KANK1: variants seen among roughly 807,000 people sequenced by gnomAD.
The protein encoded by KANK1 is KN motif and ankyrin repeat domains 1, also known as KN motif and ankyrin repeat domain-containing protein 1.
In KANK1, 109 loss-of-function variants were observed where a neutral mutation model predicts 106.2. The observed-to-expected ratio is 1.03, with a 90% CI of 0.88 to 1.20. The LOEUF is 1.20. KANK1 is among the 50% of genes most tolerant of loss of function. The pLI is 0.00. For synonymous variants in KANK1, 873 were observed against 652.2 expected (o/e 1.34, Z -5.16); for missense variants, 2,399 against 1,710.7 (o/e 1.40, Z -7.10).
chr9:594,238 C>T (rs1445402374), intron 1 of KANK1, among the ~76,000 whole-genome samples: 1 of 151,816 alleles, frequency 6.6e-6, no homozygotes, highest in East Asian at 1.9e-4. Context: ...GTTTTTCTGC[C>T]TTTAATAAAA....
intron 1 of KANK1, among the ~76,000 whole-genome samples, chr9:580,737 C>T (rs1010231465): frequency 6.6e-5 from 10 of 152,262 alleles, no homozygotes; most frequent in South Asian, 6.2e-4. Flanking sequence ...GGGCCGCAGG[C>T]GGAGCTGCCT....
At chr9:470,742 T>A (rs2058003529) in intron 2 of KANK1, 2 of 152,402 alleles carry the variant, frequency 1.3e-5, no homozygotes, top group African/African-American at 4.8e-5. Context: ...CCAGCCAAGT[T>A]TAATCTCCCA....
intron 1 of KANK1, among the ~76,000 whole-genome samples, chr9:551,129 C>G (rs1197905223): frequency 1.3e-5 from 2 of 151,784 alleles, no homozygotes; most frequent in Non-Finnish European, 2.9e-5. Context: ...ATGTGTGGCT[C>G]AGTATAACCA....
chr9:582,506 C>T (rs572415259), intron 1 of KANK1, among the ~76,000 whole-genome samples: 3 of 152,252 alleles, frequency 2.0e-5, no homozygotes, highest in African/African-American at 7.2e-5. Flanking sequence ...GCACTTTTGC[C>T]CTCAGAATCC....
At chr9:604,953 G>A (rs931531734) in intron 1 of KANK1, among the ~76,000 whole-genome samples, 1 of 151,816 alleles carries the variant, frequency 6.6e-6, no homozygotes, top group African/African-American at 2.4e-5. Flanking sequence ...TGTGAAAATG[G>A]ACTAATGCAA....
intron 7 of KANK1, among the ~76,000 whole-genome samples, chr9:736,472 G>C (rs1833831692): frequency 1.3e-5 from 2 of 152,120 alleles, no homozygotes; most frequent in African/African-American, 4.8e-5. Flanking sequence ...GAGAGGCCAA[G>C]GCAGTGGATC....
At chr9:497,208 T>G (rs1047397571) in intron 3 of KANK1, among the ~76,000 whole-genome samples, 2 of 151,734 alleles carry the variant, frequency 1.3e-5, no homozygotes, top group Non-Finnish European at 2.9e-5. Context: ...ACATTTAGTC[T>G]CAAAAAAAAG....
intron 3 of KANK1, among the ~76,000 whole-genome samples, chr9:717,162 G>A (rs533324357): frequency 4.6e-5 from 7 of 151,982 alleles, no homozygotes; most frequent in East Asian, 1.9e-4. Context: ...GCAGATGCCC[G>A]TAGTCCCAGC....
At chr9:679,522 C>T (rs942181700) in intron 2 of KANK1, among the ~76,000 whole-genome samples, 8 of 152,130 alleles carry the variant, frequency 5.3e-5, no homozygotes, top group Non-Finnish European at 1.0e-4. Flanking sequence ...TCAAGTGATT[C>T]TTGTGCCTCA....
chr9:603,900 A>C (rs1407867720), intron 1 of KANK1, among the ~76,000 whole-genome samples: 1 of 148,838 alleles, frequency 6.7e-6, no homozygotes, highest in Admixed American at 6.7e-5. Context: ...CAGAGGTTGC[A>C]GTGAGCCAAG....
In KANK1 at chr9:618,711, A is replaced by T. The variant is rs542352782; in HGVS notation, c.-83-58179A>T. The stretch of plus-strand genomic sequence containing the variant: ...ATGAATGCCAGGGCTTGCTTTTTTT[A>T]AAAAAAAGTCTCCAACCACAACATC... On this transcript the variant is annotated intron_variant, in intron 1 of 11. Coordinates refer to ENST00000382297, the MANE Select transcript of KANK1 (RefSeq NM_015158.5). Among the ~76,000 whole-genome samples, 163 of 151,906 alleles carry T rather than the reference A, an allele frequency of 1.1e-3. 2 individuals carry two copies. In the South Asian group the frequency reaches 0.015, roughly 14 times the overall value.
chr9:644,300 A>C (rs1399314519), intron 1 of KANK1, among the ~76,000 whole-genome samples: 2 of 151,044 alleles, frequency 1.3e-5, no homozygotes, highest in Non-Finnish European at 2.9e-5. Flanking sequence ...TGTTTCAGTC[A>C]AGATGGTGAC....
chr9:676,558 C>T (rs1197060146), intron 1 of KANK1, among the ~76,000 whole-genome samples: 1 of 152,084 alleles, frequency 6.6e-6, no homozygotes, highest in Non-Finnish European at 1.5e-5. Flanking sequence ...GCTTAAAAAC[C>T]AAAAATATTT....
chr9:739,954 T>G (rs577251542), intron 8 of KANK1, among the ~76,000 whole-genome samples: 5 of 152,332 alleles, frequency 3.3e-5, no homozygotes, highest in Admixed American at 6.5e-5. Context: ...ACACCCACTT[T>G]TAAAAACATG....
At chr9:562,963 A>T (rs1816873904) in intron 1 of KANK1, among the ~76,000 whole-genome samples, 1 of 152,238 alleles carries the variant, frequency 6.6e-6, no homozygotes, top group Non-Finnish European at 1.5e-5. Context: ...ATCTTTGTGG[A>T]GTAAGTACTG....
chr9:658,430 T>C lies in KANK1; in HGVS notation c.-83-18460T>C, dbSNP rs117401660. On this transcript the variant is annotated intron_variant, in intron 1 of 11. Transcript: ENST00000382297. Reference sequence around the variant, plus strand: ...TCTTAAAAACTCAGTAGCTGAAATATATGGAGCTCTTTCTGGCCCCGAGCC... The same window carrying C: ...TCTTAAAAACTCAGTAGCTGAAATACATGGAGCTCTTTCTGGCCCCGAGCC... Among the ~76,000 whole-genome samples, 800 of 152,128 alleles carry C rather than the reference T, an allele frequency of 5.3e-3. 24 individuals carry two copies. The highest frequency in any genetic ancestry group is 0.042 in the Admixed American group (640 of 15,286).
intron 1 of KANK1, among the ~76,000 whole-genome samples, chr9:583,570 A>G (rs1004864355): frequency 1.3e-5 from 2 of 152,032 alleles, no homozygotes. Flanking sequence ...ATCCTTATAT[A>G]AAGATCCTTT....
intron 1 of KANK1, among the ~76,000 whole-genome samples, chr9:522,438 C>A (rs574607343): frequency 6.6e-6 from 1 of 151,708 alleles, no homozygotes; most frequent in South Asian, 2.1e-4. Flanking sequence ...CCGTCTCTTT[C>A]ATGGTTTTCA....
chr9:683,681 C>T (rs936280927), intron 2 of KANK1, among the ~76,000 whole-genome samples: 3 of 152,180 alleles, frequency 2.0e-5, no homozygotes, highest in Non-Finnish European at 4.4e-5. Flanking sequence ...AAAAATAAAA[C>T]GTCCTCCCTG....
Sources: gnomAD v4.1 joint callset for allele counts (sites outside exome capture counted in the v4.1 genomes callset) on GRCh38, gnomAD v4.1.1 for gene constraint, MANE v1.5 for transcripts, NCBI Gene and HGNC (gene_info 2026-07-23, HGNC 2026-07-21) for gene names.